The following AXDND1 variants were observed in gnomAD, a reference collection of about 807,000 sequenced individuals.
AXDND1 encodes axonemal dynein light chain domain-containing protein 1.
In AXDND1, 110 loss-of-function variants were observed where a neutral mutation model predicts 137.5. The ratio of observed to expected loss-of-function variants is 0.80; its 90% CI spans 0.69 to 0.94. The LOEUF is 0.94. Ranked by LOEUF, AXDND1 falls within the 40% of genes least tolerant of loss-of-function variation. AXDND1 has a pLI of 0.00. For missense variants in AXDND1, 1,191 were observed against 1,169.8 expected, an observed-to-expected ratio of 1.02 and a Z score of -0.26; for synonymous variants, 414 against 399.7, an observed-to-expected ratio of 1.04 and a Z score of -0.43.
chr1:179,529,883 T>A (rs1005450386), intron 23 of AXDND1, among the ~76,000 whole-genome samples: 1 of 152,170 alleles, frequency 6.6e-6, no homozygotes, highest in African/African-American at 2.4e-5. Flanking sequence ...ATATTTTAAT[T>A]TCCTTTGGCA....
intron 4 of AXDND1, among the ~76,000 whole-genome samples, chr1:179,372,198 GC>G (rs1668100693): frequency 2.0e-5 from 3 of 152,076 alleles, no homozygotes; most frequent in Admixed American, 2.0e-4. Context: ...ATATAAAACA[GC>G]AAAGCAAATA....
intron 20 of AXDND1, among the ~76,000 whole-genome samples, chr1:179,500,619 G>T (rs183798505): frequency 6.6e-6 from 1 of 152,038 alleles, no homozygotes; most frequent in Non-Finnish European, 1.5e-5. Context: ...GCTATGTAGC[G>T]ATCCTGTCCA....
At chr1:179,392,994 T>A (rs1650437615) in intron 9 of AXDND1, among the ~76,000 whole-genome samples, 1 of 152,200 alleles carries the variant, frequency 6.6e-6, no homozygotes, top group Non-Finnish European at 1.5e-5. Context: ...CATCTATTTA[T>A]TTTTGTTTTT....
intron 20 of AXDND1, among the ~76,000 whole-genome samples, chr1:179,497,682 A>G (rs1367601731): frequency 6.6e-6 from 1 of 152,186 alleles, no homozygotes; most frequent in Non-Finnish European, 1.5e-5. Flanking sequence ...AGAGAAAGAA[A>G]TAAAAGGCCT....
intron 17 of AXDND1, among the ~76,000 whole-genome samples, chr1:179,480,453 G>T (rs1050963536): frequency 1.3e-5 from 2 of 152,102 alleles, no homozygotes; most frequent in African/African-American, 4.8e-5. Context: ...ATCTCCCACT[G>T]GGTCCCTCCC....
rs887368146 is a variant in AXDND1 at position 179,505,331 on chromosome 1, A to G, written c.2389-3965A>G. Reference sequence around the variant, plus strand: ...TTTCTGCTTCTTTCCAGCCAAGGAGATTTGCATGATGCTGGACAGGGTTCA... The same window carrying G: ...TTTCTGCTTCTTTCCAGCCAAGGAGGTTTGCATGATGCTGGACAGGGTTCA... On this transcript the variant is annotated intron_variant, in intron 20 of 25. Coordinates refer to ENST00000367618, the MANE Select transcript of AXDND1 (RefSeq NM_144696.6). 7.9e-5 allele frequency among the ~76,000 whole-genome samples: 12 copies of G among 151,996 alleles called. 1 individual carries two copies. The highest frequency in any genetic ancestry group is 4.6e-4 in the Admixed American group (7 of 15,256).
At chr1:179,428,485 T>C (rs897105479) in intron 12 of AXDND1, among the ~76,000 whole-genome samples, 1 of 152,276 alleles carries the variant, frequency 6.6e-6, no homozygotes, top group Non-Finnish European at 1.5e-5. Context: ...GACTAGCAGT[T>C]GATTTCTTAT....
rs200683851 is a variant in AXDND1, at chr1:179,468,527, C to T, written c.1883C>T (p.Pro628Leu). The change falls in exon 17 of 26, where the codon CCT (proline) becomes CTT (leucine). Residue 628 changes from proline (P) to leucine (L), a missense_variant. Coordinates refer to ENST00000367618, the MANE Select transcript of AXDND1 (RefSeq NM_144696.6). ...GAAAACCTGGAGTTTCCTGATACGCCTCTTGAAGAATGGCAGGAAATAGAT... is the reference window on the plus strand; with the variant it reads ...GAAAACCTGGAGTTTCCTGATACGCTTCTTGAAGAATGGCAGGAAATAGAT... ...KLENLEFPDT[P>L]LEEWQEIDEK... The T allele has an allele frequency of 6.2e-7, 1 of 1,612,752 alleles. No individual in the cohort carries two copies. The highest frequency in any genetic ancestry group is 1.3e-5 in the African/African-American group (1 of 74,986).
At chr1:179,501,335 C>A (rs898148429) in intron 20 of AXDND1, among the ~76,000 whole-genome samples, 2 of 152,036 alleles carry the variant, frequency 1.3e-5, no homozygotes, top group African/African-American at 2.4e-5. Context: ...TCAATGGAAT[C>A]AAAAAACAGA....
At chr1:179,517,413 C>A (rs1194560228) in intron 21 of AXDND1, among the ~76,000 whole-genome samples, 1 of 152,232 alleles carries the variant, frequency 6.6e-6, no homozygotes, top group Non-Finnish European at 1.5e-5. Flanking sequence ...GGTTGTTCTT[C>A]CCCCTGTGGA....
At chr1:179,405,283 G>A (rs1460936800) in intron 11 of AXDND1, among the ~76,000 whole-genome samples, 1 of 152,120 alleles carries the variant, frequency 6.6e-6, no homozygotes, top group African/African-American at 2.4e-5. Flanking sequence ...AGTATTCCAT[G>A]GTGTATATGT....
rs1673437891 is a variant in AXDND1, at chr1:179,552,531, A to G, written c.3032-1981A>G. 2.5e-6 allele frequency: 3 copies of G among 1,187,260 alleles called. No individual in the cohort carries two copies. The Admixed American group carries it at 5.6e-5, about 22-fold the overall frequency. The allele number at this position is 1,187,260 out of a possible 1,614,324, so 73.5% of individuals were successfully genotyped here. ...GTGCCTAATGAATGGACAGTAAGGA[A>G]GCAAAGGGGAAATGTTCTCCACGAG... On this transcript the variant is annotated intron_variant, in intron 25 of 25. Transcript: ENST00000367618.
intron 15 of AXDND1, among the ~76,000 whole-genome samples, chr1:179,436,503 T>G (rs761913748): frequency 6.6e-6 from 1 of 152,118 alleles, no homozygotes; most frequent in Non-Finnish European, 1.5e-5. Flanking sequence ...TGAAATACCA[T>G]GCAGCCATAG....
chr1:179,395,082 C>T lies in AXDND1; in HGVS notation c.1005-16C>T, dbSNP rs764176240. 3.8e-6 allele frequency: 6 copies of T among 1,577,054 alleles called. No individual in the cohort carries two copies. The highest frequency in any genetic ancestry group is 5.1e-6 in the Non-Finnish European group (6 of 1,167,172). On this transcript the variant is annotated splice_polypyrimidine_tract_variant and intron_variant, in intron 10 of 25. Transcript: ENST00000367618. ...ATCTCCAAATATGAATTAAAAATTT[C>T]TTTGCTTTATTTCAGGGAACTGTGT...
chr1:179,512,240 TA>T (rs1328011015), intron 21 of AXDND1, among the ~76,000 whole-genome samples: 1 of 152,224 alleles, frequency 6.6e-6, no homozygotes, highest in Non-Finnish European at 1.5e-5. Flanking sequence ...GATTTTTGTA[TA>T]AGGTGAGAGA....
chr1:179,401,834 C>A (rs1652121347), intron 11 of AXDND1, among the ~76,000 whole-genome samples: 1 of 152,054 alleles, frequency 6.6e-6, no homozygotes, highest in Non-Finnish European at 1.5e-5. Context: ...GCCTCCCCAG[C>A]CACGTGGAAC....
Position 179,427,248 on chromosome 1 carries a change from G to GAGAACAGCAAACTAATA in AXDND1, c.1231-2266_1231-2250dup, listed in dbSNP as rs550760126. ...TGCACACACACAAAATCTTCACCAA[G>GAGAACAGCAAACTAATA]AGAACAGCAAACTAATAAGACATTA... On this transcript the variant is annotated intron_variant, in intron 12 of 25. Coordinates refer to ENST00000367618, the MANE Select transcript of AXDND1 (RefSeq NM_144696.6). Among the ~76,000 whole-genome samples the GAGAACAGCAAACTAATA allele has an allele frequency of 1.3e-4, 20 of 152,218 alleles. No homozygotes were observed. In the East Asian group the frequency reaches 3.9e-3, roughly 29 times the overall value.
intron 17 of AXDND1, among the ~76,000 whole-genome samples, chr1:179,475,946 A>C (rs1571998534): frequency 6.6e-6 from 1 of 152,156 alleles, no homozygotes; most frequent in Non-Finnish European, 1.5e-5. Context: ...TGCTGTTCTC[A>C]TGATAGTGAG....
At chr1:179,370,983 A>G (rs908394369) in intron 4 of AXDND1, among the ~76,000 whole-genome samples, 1 of 152,186 alleles carries the variant, frequency 6.6e-6, no homozygotes, top group Admixed American at 6.5e-5. Flanking sequence ...AACTTGTCCT[A>G]TTGATTTTTA....
Sources: allele counts gnomAD v4.1 joint callset (sites outside exome capture counted in the v4.1 genomes callset), GRCh38; gene constraint gnomAD v4.1.1; transcripts MANE v1.5; gene names NCBI Gene and HGNC (gene_info 2026-07-23, HGNC 2026-07-21).